UBE2R2: variants seen among roughly 807,000 people sequenced by gnomAD.
The protein encoded by UBE2R2 is ubiquitin conjugating enzyme E2 R2, also known as ubiquitin-conjugating enzyme E2 R2.
In UBE2R2, 1 loss-of-function variant was observed where a neutral mutation model predicts 27.8. That is an observed-to-expected ratio of 0.04 (90% CI 0.01 to 0.17). The LOEUF (loss-of-function observed/expected upper bound fraction) is 0.17. Ranked by LOEUF, UBE2R2 falls within the 10% of genes least tolerant of loss-of-function variation. UBE2R2 has a pLI of 1.00. For missense variants in UBE2R2, 100 were observed against 291.0 expected, an observed-to-expected ratio of 0.34 and a Z score of 4.78; for synonymous variants, 106 against 113.3, an observed-to-expected ratio of 0.94 and a Z score of 0.41.
intron 1 of UBE2R2, among the ~76,000 whole-genome samples, chr9:33,883,736 TAAAA>T (rs1487436862): frequency 7.3e-6 from 1 of 136,562 alleles, no homozygotes; most frequent in African/African-American, 2.9e-5. Flanking sequence ...AAAAAAGAAA[TAAAA>T]AAGAATAAGG....
Position 33,853,288 on chromosome 9 carries a change from C to CT in UBE2R2, c.178-33575dup, listed in dbSNP as rs71506143. ...TTACCTGGCTTTACCTTTTCTCTCTCTTTTTTTTTTTTTTTTTTGAGATGG... is the reference window on the plus strand; with the variant it reads ...TTACCTGGCTTTACCTTTTCTCTCTCTTTTTTTTTTTTTTTTTTTGAGATGG... On this transcript the variant is annotated intron_variant, in intron 1 of 4. Coordinates refer to ENST00000263228, the MANE Select transcript of UBE2R2 (RefSeq NM_017811.4). Among the ~76,000 whole-genome samples the CT allele has an allele frequency of 5.8e-3, 668 of 115,332 alleles. 15 individuals are homozygous for CT. The highest frequency in any genetic ancestry group is 7.3e-3 in the Admixed American group (74 of 10,136). 75.7% of individuals were successfully genotyped at this position (115,332 alleles called of 152,430 possible). A position where few individuals can be genotyped will look rare whatever the true frequency, so the allele number is the denominator to read the frequency against.
chr9:33,849,614 GGCTGAGGCAGGCAGGGT>G (rs929741369), intron 1 of UBE2R2, among the ~76,000 whole-genome samples: 16 of 151,712 alleles, frequency 1.1e-4, no homozygotes, highest in African/African-American at 3.9e-4. Flanking sequence ...CACTTTGGGA[GGCTGAGGCAGGCAGGGT>G]GCTTGAGCTC....
chr9:33,860,104 C>T (rs948599149), intron 1 of UBE2R2, among the ~76,000 whole-genome samples: 4 of 23,098 alleles, frequency 1.7e-4, no homozygotes, highest in Non-Finnish European at 2.6e-4. Flanking sequence ...ACCTTGCCTG[C>T]CCTTTTTTTT....
intron 2 of UBE2R2, among the ~76,000 whole-genome samples, chr9:33,896,481 C>T (rs568378542): frequency 3.3e-5 from 5 of 151,338 alleles, no homozygotes; most frequent in East Asian, 1.9e-4. Context: ...CTTACTCTGT[C>T]GCCCAGTCTG....
intron 2 of UBE2R2, among the ~76,000 whole-genome samples, chr9:33,897,357 GC>G (rs1822137044): frequency 7.0e-6 from 1 of 143,670 alleles, no homozygotes; most frequent in Non-Finnish European, 1.5e-5. Context: ...CGCTTTTGTT[GC>G]CCAGGCTGGA....
At chr9:33,887,942 C>T (rs1205616881) in intron 2 of UBE2R2, among the ~76,000 whole-genome samples, 7 of 152,166 alleles carry the variant, frequency 4.6e-5, no homozygotes, top group Admixed American at 6.5e-5. Context: ...CCCAAAGTGC[C>T]GGGATTACAG....
intron 1 of UBE2R2, among the ~76,000 whole-genome samples, chr9:33,829,030 C>T (rs1033846334): frequency 9.9e-5 from 15 of 152,032 alleles, no homozygotes; most frequent in African/African-American, 3.1e-4. Flanking sequence ...CCACCATGCC[C>T]GGCCTGATTT....
intron 2 of UBE2R2, among the ~76,000 whole-genome samples, chr9:33,898,147 G>A (rs568117711): frequency 2.6e-5 from 4 of 151,780 alleles, no homozygotes; most frequent in Non-Finnish European, 4.4e-5. Context: ...GTGCAGTGGC[G>A]TGATCTCAGC....
chr9:33,865,785 G>C (rs1264886371), intron 1 of UBE2R2, among the ~76,000 whole-genome samples: 1 of 150,754 alleles, frequency 6.6e-6, no homozygotes, highest in Non-Finnish European at 1.5e-5. Flanking sequence ...TGTTTTTGCT[G>C]GAATTCCTCT....
chr9:33,877,823 G>GTCTGTCTGTCTGTCTGTCTCTCTCTC, intron 1 of UBE2R2, among the ~76,000 whole-genome samples: 48 of 131,126 alleles, frequency 3.7e-4, no homozygotes, highest in African/African-American at 1.5e-3. Context: ...CTGTCTGTCT[G>GTCTGTCTGTCTGTCTGTCTCTCTCTC]TCTCTCTCTC....
At chr9:33,822,691 C>A (rs776315012) in intron 1 of UBE2R2, among the ~76,000 whole-genome samples, 21 of 151,812 alleles carry the variant, frequency 1.4e-4, no homozygotes, top group Admixed American at 5.9e-4. Flanking sequence ...TCCCAAAGTG[C>A]TGGTGTTACA....
chr9:33,898,885 T>C (rs1822183900), intron 2 of UBE2R2, among the ~76,000 whole-genome samples: 1 of 152,264 alleles, frequency 6.6e-6, no homozygotes, highest in Non-Finnish European at 1.5e-5. Flanking sequence ...GTGTTCTGTA[T>C]TGCACATGGT....
intron 3 of UBE2R2, among the ~76,000 whole-genome samples, chr9:33,906,471 A>G (rs1435958872): frequency 6.6e-6 from 1 of 152,044 alleles, no homozygotes; most frequent in Non-Finnish European, 1.5e-5. Flanking sequence ...TACTTCTCCC[A>G]TGCTGTCTGG....
intron 3 of UBE2R2, among the ~76,000 whole-genome samples, chr9:33,909,146 G>A (rs181738195): frequency 4.3e-4 from 65 of 152,152 alleles, no homozygotes; most frequent in Admixed American, 2.4e-3. Context: ...CATCATCGTC[G>A]TCGTCATTGA....
At chr9:33,864,263 A>G (rs1821311208) in intron 1 of UBE2R2, among the ~76,000 whole-genome samples, 1 of 152,236 alleles carries the variant, frequency 6.6e-6, no homozygotes, top group Non-Finnish European at 1.5e-5. Context: ...GGTGGAAAGC[A>G]GACAGGCCAT....
rs1284581126 is a variant in UBE2R2, at chr9:33,826,670, G to T, written c.177+8736G>T. Among the ~76,000 whole-genome samples, 15 of 152,226 alleles carry T rather than the reference G, an allele frequency of 9.9e-5. No individual in the cohort carries two copies. The East Asian group carries it at 2.7e-3, about 27-fold the overall frequency. On this transcript the variant is annotated intron_variant, in intron 1 of 4. Coordinates refer to ENST00000263228, the MANE Select transcript of UBE2R2 (RefSeq NM_017811.4). ...GCTGAGATCACGCCATTGCACTCCA[G>T]TCTGGGCAACAGAGTGAGACTCTGT...
intron 1 of UBE2R2, among the ~76,000 whole-genome samples, chr9:33,880,006 C>T (rs188855553): frequency 5.9e-4 from 90 of 151,796 alleles, no homozygotes; most frequent in African/African-American, 2.1e-3. Context: ...CTACCTCAGC[C>T]TCCCAAGTAG....
rs997386989 is a variant in UBE2R2, at chr9:33,919,334, A to G, written c.*2097A>G. ...ACCCCCATGCAAGTTTACAGCCAGTAGCTTGGTCTTATTCTCTTGGAGCCC... is the reference window on the plus strand; with the variant it reads ...ACCCCCATGCAAGTTTACAGCCAGTGGCTTGGTCTTATTCTCTTGGAGCCC... On this transcript the variant is annotated 3_prime_UTR_variant, in exon 5 of 5. Transcript: ENST00000263228. 6.6e-6 allele frequency: 1 copy of G among 151,880 alleles called. No homozygotes were observed. Among genetic ancestry groups the G allele is most frequent in the African/African-American group, 2.4e-5 (1 of 41,306 alleles). The allele number at this position is 151,880 out of a possible 1,614,324, so 9.4% of individuals were successfully genotyped here. A position where few individuals can be genotyped will look rare whatever the true frequency, so the allele number is the denominator to read the frequency against.
chr9:33,900,098 G>C lies in UBE2R2; in HGVS notation c.265-76G>C, dbSNP rs867094449. 25 of 1,134,826 alleles carry C rather than the reference G, an allele frequency of 2.2e-5. No homozygotes were observed. The South Asian group carries it at 3.2e-4, about 14-fold the overall frequency. The allele number at this position is 1,134,826 out of a possible 1,614,324, so 70.3% of individuals were successfully genotyped here. A position where few individuals can be genotyped will look rare whatever the true frequency, so the allele number is the denominator to read the frequency against. On this transcript the variant is annotated intron_variant, in intron 2 of 4. Coordinates refer to ENST00000263228, the MANE Select transcript of UBE2R2 (RefSeq NM_017811.4). ...GAAGAAACAGTTTCTAGGAATAAAGGAAACTTTAGAACCGATGTCCCTTTT... is the reference window on the plus strand; with the variant it reads ...GAAGAAACAGTTTCTAGGAATAAAGCAAACTTTAGAACCGATGTCCCTTTT...
Sources: gnomAD v4.1 joint callset for allele counts (sites outside exome capture counted in the v4.1 genomes callset) on GRCh38, gnomAD v4.1.1 for gene constraint, MANE v1.5 for transcripts, NCBI Gene and HGNC (gene_info 2026-07-23, HGNC 2026-07-21) for gene names.